KIAA0825: variants seen among roughly 807,000 people sequenced by gnomAD.
The protein encoded by KIAA0825 is uncharacterized protein KIAA0825.
KIAA0825 carries 119 observed loss-of-function variants against 147.6 expected under a neutral mutation model. The ratio of observed to expected loss-of-function variants is 0.81; its 90% CI spans 0.69 to 0.94. The LOEUF (loss-of-function observed/expected upper bound fraction) is 0.94. KIAA0825 is among the 40% of genes least tolerant of loss of function. The pLI, the probability that KIAA0825 is intolerant of heterozygous loss-of-function variation, is 0.00. For missense variants in KIAA0825, 1,381 were observed against 1,472.7 expected, an observed-to-expected ratio of 0.94 and a Z score of 1.02; for synonymous variants, 470 against 518.1, an observed-to-expected ratio of 0.91 and a Z score of 1.26.
At position 94,169,566 on chromosome 5, in the gene KIAA0825, A is replaced by G. The variant is rs1343860981; in HGVS notation, c.3711-15442T>C. On this transcript the variant is annotated intron_variant, in intron 20 of 20. Transcript: ENST00000682413. The stretch of plus-strand genomic sequence containing the variant: ...CACTGCAGTCCAGCCTGGGTGACAG[A>G]AAAAAAAAAAAAAAAAAAGATCTAG... Among the ~76,000 whole-genome samples the G allele has an allele frequency of 6.8e-5, 7 of 103,514 alleles. No homozygotes were observed. The South Asian group carries it at 8.2e-4, about 12-fold the overall frequency. 67.9% of individuals were successfully genotyped at this position (103,514 alleles called of 152,430 possible). A position where few individuals can be genotyped will look rare whatever the true frequency, so the allele number is the denominator to read the frequency against.
intron 14 of KIAA0825, among the ~76,000 whole-genome samples, chr5:94,421,424 G>T (rs1209789051): frequency 6.6e-6 from 1 of 152,012 alleles, no homozygotes; most frequent in Non-Finnish European, 1.5e-5. Context: ...TCCATCTCTG[G>T]CTCTGACCTT....
At chr5:94,440,768 T>G (rs1159413954) in intron 13 of KIAA0825, among the ~76,000 whole-genome samples, 2 of 151,892 alleles carry the variant, frequency 1.3e-5, no homozygotes, top group Admixed American at 6.6e-5. Flanking sequence ...AAAATAGAAA[T>G]CAGGTCTCTC....
At chr5:94,420,543 A>G (rs975964441) in intron 14 of KIAA0825, among the ~76,000 whole-genome samples, 3 of 152,110 alleles carry the variant, frequency 2.0e-5, no homozygotes, top group Admixed American at 1.3e-4. Context: ...AGCATTCTAC[A>G]TTTTCACATA....
intron 20 of KIAA0825, among the ~76,000 whole-genome samples, chr5:94,213,593 C>T (rs929799295): frequency 1.3e-5 from 2 of 152,204 alleles, no homozygotes; most frequent in African/African-American, 4.8e-5. Context: ...CCCAGACTCT[C>T]ATCTTTTATC....
chr5:94,549,177 A>G lies in KIAA0825; in HGVS notation c.-1-12050T>C, dbSNP rs554979241. ...CTCAGCACATAGATCATTCTTAAGG[A>G]AAGACCATACGGTAGGTCACAAAAC... is the stretch of plus-strand genomic sequence containing the variant. On this transcript the variant is annotated intron_variant, in intron 2 of 20. Coordinates refer to ENST00000682413, the MANE Select transcript of KIAA0825 (RefSeq NM_001145678.3). Among the ~76,000 whole-genome samples, 12 of 152,294 alleles carry G rather than the reference A, an allele frequency of 7.9e-5. No individual in the cohort carries two copies. In the East Asian group the frequency reaches 2.3e-3, roughly 29 times the overall value.
At chr5:94,188,583 T>A (rs1770372141) in intron 20 of KIAA0825, among the ~76,000 whole-genome samples, 1 of 152,132 alleles carries the variant, frequency 6.6e-6, no homozygotes, top group Non-Finnish European at 1.5e-5. Flanking sequence ...TGAGATTCGT[T>A]CACATTTTTG....
chr5:94,280,008 A>G (rs1043402271), intron 20 of KIAA0825, among the ~76,000 whole-genome samples: 4 of 152,060 alleles, frequency 2.6e-5, no homozygotes, highest in African/African-American at 7.2e-5. Flanking sequence ...GCATCAAACG[A>G]TATCTTTAGA....
At chr5:94,479,342 A>G (rs559015335) in intron 6 of KIAA0825, among the ~76,000 whole-genome samples, 162 of 152,226 alleles carry the variant, frequency 1.1e-3, no homozygotes, top group Middle Eastern at 3.4e-3. Flanking sequence ...AGTTGGAATC[A>G]TATAGTATGT....
At chr5:94,315,561 T>G (rs1779580599) in intron 20 of KIAA0825, among the ~76,000 whole-genome samples, 1 of 151,730 alleles carries the variant, frequency 6.6e-6, no homozygotes. Context: ...TCCACTATCA[T>G]CTTACAATAG....
intron 20 of KIAA0825, among the ~76,000 whole-genome samples, chr5:94,190,550 C>G (rs548109301): frequency 3.0e-5 from 4 of 134,274 alleles, no homozygotes; most frequent in African/African-American, 1.1e-4. Flanking sequence ...TGGGAGAAGA[C>G]AATCCTTGCC....
At chr5:94,398,338 C>A (rs150066507) in intron 16 of KIAA0825, among the ~76,000 whole-genome samples, 161 of 152,248 alleles carry the variant, frequency 1.1e-3, no homozygotes, top group Middle Eastern at 0.01. Flanking sequence ...GTCTCTTGAG[C>A]CTTGCTGTCA....
At chr5:94,215,514 T>C (rs1773115305) in intron 20 of KIAA0825, among the ~76,000 whole-genome samples, 1 of 152,122 alleles carries the variant, frequency 6.6e-6, no homozygotes, top group Non-Finnish European at 1.5e-5. Context: ...AATGTAGAAA[T>C]ATGGTTTTGT....
At chr5:94,571,728 G>A (rs1780001862) in intron 2 of KIAA0825, among the ~76,000 whole-genome samples, 1 of 152,168 alleles carries the variant, frequency 6.6e-6, no homozygotes, top group Non-Finnish European at 1.5e-5. Context: ...GATGGTAAGT[G>A]TCAACAAACA....
intron 20 of KIAA0825, among the ~76,000 whole-genome samples, chr5:94,187,425 AT>A (rs1157533377): frequency 8.7e-6 from 1 of 114,302 alleles, no homozygotes; most frequent in Non-Finnish European, 1.9e-5. Context: ...TTTTTTTTTA[AT>A]TTTTTTTTGT....
At chr5:94,196,498 A>G (rs1180578686) in intron 20 of KIAA0825, among the ~76,000 whole-genome samples, 2 of 151,002 alleles carry the variant, frequency 1.3e-5, no homozygotes, top group Admixed American at 1.3e-4. Flanking sequence ...CAGAGGGTAC[A>G]TGTGCAGGTT....
intron 5 of KIAA0825, among the ~76,000 whole-genome samples, chr5:94,487,878 C>A (rs1178934787): frequency 1.3e-5 from 2 of 152,090 alleles, no homozygotes; most frequent in Admixed American, 6.5e-5. Flanking sequence ...CACCTGAGCC[C>A]GGAAAGTGGA....
intron 20 of KIAA0825, among the ~76,000 whole-genome samples, chr5:94,222,279 C>G (rs1204368644): frequency 6.6e-6 from 1 of 151,984 alleles, no homozygotes; most frequent in Non-Finnish European, 1.5e-5. Context: ...CCCAGGCAAC[C>G]AACATATATT....
At chr5:94,204,859 C>T (rs993869660) in intron 20 of KIAA0825, among the ~76,000 whole-genome samples, 2 of 152,022 alleles carry the variant, frequency 1.3e-5, no homozygotes, top group African/African-American at 4.8e-5. Flanking sequence ...ACCTGTAATA[C>T]TAAGACAAAG....
In KIAA0825 at chr5:94,515,075, T is replaced by C. The variant is rs1337951001; in HGVS notation, c.970+5173A>G. ...GGATATATGGGGGCCATGGAGTTTG[T>C]CCTAGAATTTAAATCTCCTATTTCT... On this transcript the variant is annotated intron_variant, in intron 5 of 20. Transcript: ENST00000682413. 5.3e-5 allele frequency among the ~76,000 whole-genome samples: 8 copies of C among 152,334 alleles called. No homozygotes were observed. In the South Asian group the frequency reaches 1.4e-3, roughly 28 times the overall value.
Sources: allele counts gnomAD v4.1 joint callset (sites outside exome capture counted in the v4.1 genomes callset), GRCh38; gene constraint gnomAD v4.1.1; transcripts MANE v1.5; gene names NCBI Gene and HGNC (gene_info 2026-07-23, HGNC 2026-07-21).